The following CARS2 variants were observed in gnomAD, a reference collection of about 807,000 sequenced individuals.
CARS2 encodes the protein probable cysteine--tRNA ligase, mitochondrial.
CARS2 carries 52 observed loss-of-function variants against 68.8 expected under a neutral mutation model. The observed-to-expected ratio is 0.76, with a 90% CI of 0.61 to 0.95. The LOEUF (loss-of-function observed/expected upper bound fraction) is 0.95, where lower values mean the gene tolerates loss of function less well. Among genes scored for constraint, CARS2 ranks in the 40% least tolerant of loss-of-function variants. CARS2 has a pLI of 0.00. For missense variants in CARS2, 780 were observed against 754.2 expected, an observed-to-expected ratio of 1.03 and a Z score of -0.40; for synonymous variants, 314 against 303.6, an observed-to-expected ratio of 1.03 and a Z score of -0.36.
At chr13:110,702,873 C>T (rs949658817) in intron 2 of CARS2, among the ~76,000 whole-genome samples, 33 of 152,190 alleles carry the variant, frequency 2.2e-4, no homozygotes, top group Admixed American at 2.0e-3. Flanking sequence ...ACCGTCAGCC[C>T]GGCTCTTTCT....
chr13:110,672,819 C>G (rs1459247217), intron 7 of CARS2, among the ~76,000 whole-genome samples: 1 of 152,046 alleles, frequency 6.6e-6, no homozygotes, highest in Non-Finnish European at 1.5e-5. Flanking sequence ...AGACCGCTAG[C>G]AAGACTAATA....
At chr13:110,706,127 G>C (rs1184588259), upstream of CARS2, 7 of 1,278,124 alleles carry the variant, frequency 5.5e-6, no homozygotes, top group Non-Finnish European at 6.9e-6. Flanking sequence ...GGGCGGAGAC[G>C]GGAGCCACGC....
chr13:110,713,073 C>A, intron 1 of CARS2: 1 of 1,447,364 alleles, frequency 6.9e-7, no homozygotes, highest in South Asian at 1.4e-5. Flanking sequence ...CCGGCCCTCC[C>A]CTTCCTTCCG....
At chr13:110,659,623 C>T (rs760886065) in intron 9 of CARS2, among the ~76,000 whole-genome samples, 20 of 152,218 alleles carry the variant, frequency 1.3e-4, no homozygotes, top group Admixed American at 2.0e-4. Context: ...TTTCTGGTTT[C>T]CCAGTGCATA....
At chr13:110,644,727 C>T in intron 12 of CARS2, 1 of 528,888 alleles carries the variant, frequency 1.9e-6, no homozygotes, top group South Asian at 2.5e-5. Flanking sequence ...GTGACTAGCT[C>T]ATCAGGCTTC....
At chr13:110,642,911 C>A in intron 13 of CARS2, 1 of 420,406 alleles carries the variant, frequency 2.4e-6, no homozygotes, top group Non-Finnish European at 4.6e-6. Flanking sequence ...CGCTTGCACA[C>A]GTGTGTTTCG....
rs570795456 is a variant in CARS2 at position 110,668,537 on chromosome 13, G to A, written c.786-1064C>T. On this transcript the variant is annotated intron_variant, in intron 7 of 14. Coordinates refer to ENST00000257347, the MANE Select transcript of CARS2 (RefSeq NM_024537.4). This position sits in a 1 kb window ranked among gnomAD's most constrained non-coding sequence, Gnocchi z 4.1. ...AGCCTGGGTGACAGAGCGAGACTCC[G>A]TCTCAAAAAAAAAAAAAGATTTTTA... Among the ~76,000 whole-genome samples, 133 of 86,754 alleles carry A rather than the reference G, an allele frequency of 1.5e-3. No individual in the cohort carries two copies. The highest frequency in any genetic ancestry group is 6.3e-3 in the Middle Eastern group (1 of 160). 56.9% of individuals were successfully genotyped at this position (86,754 alleles called of 152,430 possible).
intron 5 of CARS2, among the ~76,000 whole-genome samples, chr13:110,685,075 A>C (rs954590103): frequency 1.3e-5 from 2 of 152,216 alleles, no homozygotes; most frequent in Non-Finnish European, 2.9e-5. Flanking sequence ...TTATCACTTT[A>C]TTCCTAAAAT....
intron 5 of CARS2, among the ~76,000 whole-genome samples, chr13:110,684,041 T>C (rs6492297): frequency 0.43 from 66,129 of 152,040 alleles, 14,920 homozygotes; most frequent in African/African-American, 0.54. Flanking sequence ...GTGGGAGCTT[T>C]GTCAAGAAGA....
At chr13:110,645,386 G>C (rs1887968781) in intron 12 of CARS2, 1 of 152,362 alleles carries the variant, frequency 6.6e-6, no homozygotes, top group African/African-American at 2.4e-5. Context: ...GGCACAAACA[G>C]CCTCGGCTTC....
At chr13:110,662,355 G>C (rs1163135847) in intron 9 of CARS2, among the ~76,000 whole-genome samples, 1 of 145,538 alleles carries the variant, frequency 6.9e-6, no homozygotes, top group Non-Finnish European at 1.5e-5. Flanking sequence ...CCCATGGCCA[G>C]GCTCCGACCC....
In CARS2 at chr13:110,706,107, G is replaced by A; in HGVS notation, c.-14C>T. ...AGTCCTCAACATGTCAGCGGCCAGC[G>A]CCTACGACTGGGCGGAGACGGGAGC... On this transcript the variant is annotated 5_prime_UTR_variant, in exon 1 of 15. Coordinates refer to ENST00000257347, the MANE Select transcript of CARS2 (RefSeq NM_024537.4). 1 of 1,296,400 alleles carries A rather than the reference G, an allele frequency of 7.7e-7. No homozygotes were observed. Among genetic ancestry groups the A allele is most frequent in the Non-Finnish European group, 9.8e-7 (1 of 1,025,162 alleles). 80.3% of individuals were successfully genotyped at this position (1,296,400 alleles called of 1,614,324 possible).
At chr13:110,667,643 T>A (rs2062685627) in intron 7 of CARS2, among the ~76,000 whole-genome samples, 170 bp from the exon 8 acceptor site, 1 of 152,262 alleles carries the variant, frequency 6.6e-6, no homozygotes, top group Non-Finnish European at 1.5e-5. Context: ...TGAAATCCTG[T>A]CATCACAAGC....
At chr13:110,712,616 G>A (rs1294969021) in intron 1 of CARS2, 1 of 484,640 alleles carries the variant, frequency 2.1e-6, no homozygotes, top group East Asian at 4.1e-5. Context: ...AAATCCGGGA[G>A]CTTTGGGAGG....
upstream of CARS2, among the ~76,000 whole-genome samples, chr13:110,710,867 T>G (rs1163695167): frequency 6.6e-6 from 1 of 152,168 alleles, no homozygotes; most frequent in Non-Finnish European, 1.5e-5. Context: ...CCTTTTTGGT[T>G]TATGTGTATG....
At chr13:110,699,804 G>A (rs7336657) in intron 3 of CARS2, among the ~76,000 whole-genome samples, 19,629 of 152,272 alleles carry the variant, frequency 0.13, 2,178 homozygotes, top group African/African-American at 0.3. Context: ...AAGCCCTTCC[G>A]GTAGAAGTGA....
At chr13:110,647,033 G>C in intron 11 of CARS2, 68 bp downstream of exon 11, 1 of 1,475,808 alleles carries the variant, frequency 6.8e-7, no homozygotes, top group Non-Finnish European at 9.0e-7. Context: ...TCCCCTTCAA[G>C]AGCCCACCAG....
chr13:110,654,942 G>GAAAAA (rs1555345847), intron 9 of CARS2, among the ~76,000 whole-genome samples: 2 of 99,696 alleles, frequency 2.0e-5, no homozygotes, highest in African/African-American at 5.0e-5. Flanking sequence ...AAAAGAAAAA[G>GAAAAA]AAAAAAAAAG....
intron 8 of CARS2, chr13:110,666,905 G>A: frequency 3.0e-6 from 3 of 985,450 alleles, no homozygotes; most frequent in Non-Finnish European, 3.6e-6. Context: ...TCATGGTGTT[G>A]CATCCACTTC....
Sources: allele counts gnomAD v4.1 joint callset (sites outside exome capture counted in the v4.1 genomes callset), GRCh38; gene constraint gnomAD v4.1.1; non-coding constraint Gnocchi (gnomAD v3.1); transcripts MANE v1.5; gene names NCBI Gene and HGNC (gene_info 2026-07-23, HGNC 2026-07-21).